The following PDE6B variants were observed in gnomAD, a reference collection of about 807,000 sequenced individuals.
The protein encoded by PDE6B is rod cGMP-specific 3',5'-cyclic phosphodiesterase subunit beta.
PDE6B carries 106 observed loss-of-function variants against 109.0 expected under a neutral mutation model. The observed-to-expected ratio is 0.97, with a 90% confidence interval of 0.83 to 1.14. PDE6B has a LOEUF of 1.14. Ranked by LOEUF, PDE6B falls within the 50% of genes most tolerant of loss-of-function variation. The pLI is 0.00. For synonymous variants in PDE6B, 490 were observed against 471.3 expected, an observed-to-expected ratio of 1.04 and a Z score of -0.51; for missense variants, 1,193 against 1,155.6, an observed-to-expected ratio of 1.03 and a Z score of -0.47.
Position 665,175 on chromosome 4 carries a change from C to A in PDE6B, c.2194-80C>A. On this transcript the variant is annotated intron_variant, in intron 18 of 21. Transcript: ENST00000496514. This position sits in a 1 kb window ranked among gnomAD's most constrained non-coding sequence, Gnocchi z 4.0. Reference sequence around the variant, plus strand: ...GGGTCTGGGGCGGAGAAGACCGAGGCTCGGAGCCTCACGGGGCGGGCCCGG... The same window carrying A: ...GGGTCTGGGGCGGAGAAGACCGAGGATCGGAGCCTCACGGGGCGGGCCCGG... 1 of 1,083,336 alleles carries A rather than the reference C, an allele frequency of 9.2e-7. No individual in the cohort carries two copies. The highest frequency in any genetic ancestry group is 1.4e-6 in the Non-Finnish European group (1 of 718,968). 67.1% of individuals were successfully genotyped at this position (1,083,336 alleles called of 1,614,324 possible).
At chr4:664,789 G>C (rs1267812516) in intron 17 of PDE6B, 92 bp from the exon 18 acceptor site, 1 of 992,208 alleles carries the variant, frequency 1.0e-6, no homozygotes, top group Non-Finnish European at 1.6e-6. Flanking sequence ...CTGGGCAACA[G>C]AGCAAGACTC....
In PDE6B at chr4:645,063, C is replaced by A. The variant is rs934567236; in HGVS notation, c.712-8789C>A. The stretch of plus-strand genomic sequence containing the variant: ...TTATCATGTTGTCATGCCCCTTCCA[C>A]CAACAATTTTCCTTGTTCTAAAGTA... On this transcript the variant is annotated intron_variant, in intron 3 of 21. Transcript: ENST00000496514. 2.0e-5 allele frequency among the ~76,000 whole-genome samples: 3 copies of A among 152,022 alleles called. 1 individual carries two copies. The highest frequency in any genetic ancestry group is 7.3e-5 in the African/African-American group (3 of 41,300).
chr4:638,960 G>A (rs1245547924), intron 3 of PDE6B, among the ~76,000 whole-genome samples: 1 of 152,186 alleles, frequency 6.6e-6, no homozygotes, highest in East Asian at 1.9e-4. Context: ...CTGGCACAGG[G>A]AGCCCAACCC....
chr4:633,309 G>A lies in PDE6B; in HGVS notation c.469-1368G>A, dbSNP rs145836767. ...CACCCCTGCCAGGGCTCACTCACCC[G>A]TCTTCCTGCTCCACCATCTTTTAAA... On this transcript the variant is annotated intron_variant, in intron 1 of 21. Transcript: ENST00000496514. The surrounding 1 kb of genome is among the most constrained non-coding windows in gnomAD (Gnocchi z 4.5). Among the ~76,000 whole-genome samples the A allele has an allele frequency of 2.0e-5, 3 of 152,282 alleles. No individual in the cohort carries two copies. The highest frequency in any genetic ancestry group is 2.9e-5 in the Non-Finnish European group (2 of 68,018).
chr4:644,833 AGT>A (rs904837571), intron 3 of PDE6B, among the ~76,000 whole-genome samples: 2 of 151,886 alleles, frequency 1.3e-5, no homozygotes, highest in Non-Finnish European at 2.9e-5. Context: ...CCCGGCCCAC[AGT>A]GTTGTTTAGT....
Position 665,273 on chromosome 4 carries a change from G to A in PDE6B, c.2212G>A (p.Ala738Thr). The A allele has an allele frequency of 6.2e-7, 1 of 1,612,744 alleles. No individual in the cohort carries two copies. The highest frequency in any genetic ancestry group is 8.5e-7 in the Non-Finnish European group (1 of 1,179,438). Residue 738 changes from alanine (A) to threonine (T), a missense_variant, in exon 19 of 22, where the codon GCT (alanine) becomes ACT (threonine). Coordinates refer to ENST00000496514, the MANE Select transcript of PDE6B (RefSeq NM_000283.4). The surrounding 1 kb of genome is among the most constrained non-coding windows in gnomAD (Gnocchi z 4.0). ...VQSKVALLVAAEFWEQGDLER... is the reference protein window; with the variant it reads ...VQSKVALLVATEFWEQGDLER... ...CCTCCAGGTCGCACTTCTCGTGGCTGCTGAGTTCTGGGAGCAAGGTGACTT... is the reference window on the plus strand; with the variant it reads ...CCTCCAGGTCGCACTTCTCGTGGCTACTGAGTTCTGGGAGCAAGGTGACTT...
intron 3 of PDE6B, among the ~76,000 whole-genome samples, chr4:642,029 C>A (rs1301953030): frequency 6.6e-6 from 1 of 152,224 alleles, no homozygotes; most frequent in Non-Finnish European, 1.5e-5. Context: ...TCTTCCTTCT[C>A]AATCTATATA....
intron 10 of PDE6B, 96 bp from the exon 11 acceptor site, chr4:658,856 A>G (rs1364595414): frequency 2.3e-6 from 2 of 883,624 alleles, no homozygotes; most frequent in African/African-American, 3.3e-5. Flanking sequence ...AGCTCTTGAC[A>G]GCACCTTCCT....
chr4:655,852 C>G lies in PDE6B; in HGVS notation c.993-88C>G, dbSNP rs917535963. On this transcript the variant is annotated intron_variant, in intron 6 of 21. Transcript: ENST00000496514. ...GCAGCCTAGACCAGCCCCTCTCACC[C>G]CTGCACACAGACATCCAGTCCCTCT... 10 of 829,540 alleles carry G rather than the reference C, an allele frequency of 1.2e-5. No individual in the cohort carries two copies. In the African/African-American group the frequency reaches 1.5e-4, roughly 12 times the overall value. The allele number at this position is 829,540 out of a possible 1,614,324, so 51.4% of individuals were successfully genotyped here.
chr4:628,360 G>A (rs766668033), intron 1 of PDE6B, among the ~76,000 whole-genome samples: 104 of 152,330 alleles, frequency 6.8e-4, no homozygotes, highest in Non-Finnish European at 1.3e-3. Context: ...AGAGCAGCTC[G>A]TGGCTGTGGT....
Position 662,252 on chromosome 4 carries a change from GC to G in PDE6B, c.1722+13del. The G allele has an allele frequency of 6.8e-7, 1 of 1,474,466 alleles. No individual in the cohort carries two copies. The highest frequency in any genetic ancestry group is 9.3e-7 in the Non-Finnish European group (1 of 1,074,814). The allele number at this position is 1,474,466 out of a possible 1,614,324, so 91.3% of individuals were successfully genotyped here. On this transcript the variant is annotated intron_variant, in intron 13 of 21. Transcript: ENST00000496514. This position sits in a 1 kb window ranked among gnomAD's most constrained non-coding sequence, Gnocchi z 4.3. ...TTCACGCTGCTCATGGTACGTGGCTGCCAGAATCACCAGGGTTGTGCAGGCC... is the reference window on the plus strand; with the variant it reads ...TTCACGCTGCTCATGGTACGTGGCTGCAGAATCACCAGGGTTGTGCAGGCC...
chr4:659,533 G>A (rs565212603), intron 11 of PDE6B, among the ~76,000 whole-genome samples: 3 of 150,118 alleles, frequency 2.0e-5, no homozygotes, highest in Non-Finnish European at 2.9e-5. Context: ...GTGTGCACAC[G>A]TGGGCGTCTG....
chr4:639,044 C>T lies in PDE6B; in HGVS notation c.711+3075C>T, dbSNP rs1038122591. On this transcript the variant is annotated intron_variant, in intron 3 of 21. Coordinates refer to ENST00000496514, the MANE Select transcript of PDE6B (RefSeq NM_000283.4). The stretch of plus-strand genomic sequence containing the variant: ...AGCTCTTCAGATGGAAGCACAAATT[C>T]AGTCCACCACTGTGATAGGAAACAC... 1.1e-4 allele frequency among the ~76,000 whole-genome samples: 16 copies of T among 152,178 alleles called. 1 individual carries two copies. The highest frequency in any genetic ancestry group is 1.3e-4 in the Admixed American group (2 of 15,282).
intron 9 of PDE6B, 43 bp downstream of exon 9, chr4:657,066 G>A (rs368099478): frequency 1.1e-5 from 17 of 1,595,794 alleles, no homozygotes; most frequent in Middle Eastern, 1.7e-4. Context: ...GATGCCCTGC[G>A]AGGGGTGGGG....
In PDE6B at chr4:657,448, T is replaced by C; in HGVS notation, c.1355T>C (p.Val452Ala). 1 of 1,613,402 alleles carries C rather than the reference T, an allele frequency of 6.2e-7. No homozygotes were observed. Among genetic ancestry groups the C allele is most frequent in the Non-Finnish European group, 8.5e-7 (1 of 1,179,900 alleles). ...CGCAAGGACATCGCACAGGACATGG[T>C]CCTTTACCACGTGAAGTGCGACAGG... ...ENRKDIAQDM[V>A]LYHVKCDRDE... Residue 452 changes from valine (V) to alanine (A), a missense_variant, in exon 10 of 22, where the codon GTC (valine) becomes GCC (alanine). By Grantham distance (64) the Val-to-Ala change is moderately conservative. Transcript: ENST00000496514.
rs951613984 is a variant in PDE6B at position 663,256 on chromosome 4, G to T, written c.1920+69G>T. 1.8e-5 allele frequency: 16 copies of T among 888,936 alleles called. No individual in the cohort carries two copies. The highest frequency in any genetic ancestry group is 1.9e-5 in the Non-Finnish European group (10 of 519,520). 55.1% of individuals were successfully genotyped at this position (888,936 alleles called of 1,614,324 possible). A position where few individuals can be genotyped will look rare whatever the true frequency, so the allele number is the denominator to read the frequency against. On this transcript the variant is annotated intron_variant, in intron 15 of 21. Transcript: ENST00000496514. The surrounding 1 kb of genome is among the most constrained non-coding windows in gnomAD (Gnocchi z 4.0). ...GCAGCGTCCGCAGGACGGCAGGGCC[G>T]TATCCTGCGGAGCAGGGTTCTGATG...
rs1460929903 is a variant in PDE6B, at chr4:625,615, C to G, written c.-12C>G. The G allele has an allele frequency of 6.3e-7, 1 of 1,588,944 alleles. No homozygotes were observed. Among genetic ancestry groups the G allele is most frequent in the East Asian group, 2.2e-5 (1 of 44,748 alleles). On this transcript the variant is annotated 5_prime_UTR_variant, in exon 1 of 22. Transcript: ENST00000496514. The surrounding 1 kb of genome is among the most constrained non-coding windows in gnomAD (Gnocchi z 5.0). ...CCTGGAGCAGCAGCGTCTCCAGGGA[C>G]AGGCAGCCACCATGAGCCTCAGTGA...
In PDE6B at chr4:667,804, C is replaced by T; in HGVS notation, c.2353-52C>T. ...TGAGCTGGGGAAGGGCTATCTTACT[C>T]TGGAGAGAGCAGGCAGGACAGGACT... On this transcript the variant is annotated intron_variant, in intron 20 of 21. Coordinates refer to ENST00000496514, the MANE Select transcript of PDE6B (RefSeq NM_000283.4). 8.8e-6 allele frequency: 14 copies of T among 1,589,146 alleles called. No individual in the cohort carries two copies. The South Asian group carries it at 1.6e-4, about 18-fold the overall frequency.
chr4:656,946 G>A lies in PDE6B; in HGVS notation c.1180G>A (p.Glu394Lys), dbSNP rs754879517. The A allele has an allele frequency of 2.5e-6, 4 of 1,613,150 alleles. No homozygotes were observed. The highest frequency in any genetic ancestry group is 3.3e-5 in the Admixed American group (2 of 60,030). The change falls in exon 9 of 22, where the codon GAG becomes AAG. Residue 394 changes from glutamate (E) to lysine (K), a missense_variant. By Grantham distance (56) the Glu-to-Lys change is moderately conservative (BLOSUM62 1). Transcript: ENST00000496514. ...LSMPIVNKKE[E>K]IVGVATFYNR... ...CATGCCCATCGTCAACAAGAAGGAG[G>A]AGATTGTGGGAGTCGCCACATTTTA... is the stretch of plus-strand genomic sequence containing the variant.
Sources: gnomAD v4.1 joint callset for allele counts (sites outside exome capture counted in the v4.1 genomes callset) on GRCh38, gnomAD v4.1.1 for gene constraint, Gnocchi (gnomAD v3.1) non-coding constraint, MANE v1.5 for transcripts, NCBI Gene and HGNC (gene_info 2026-07-23, HGNC 2026-07-21) for gene names.